The following FAM193A variants were observed in gnomAD, a reference collection of about 807,000 sequenced individuals.
FAM193A encodes family with sequence similarity 193 member A.
Under a neutral mutation model 126.5 loss-of-function variants are expected in FAM193A, and 22 were observed. The ratio of observed to expected loss-of-function variants is 0.17; its 90% CI spans 0.12 to 0.25. FAM193A has a LOEUF of 0.25. FAM193A is among the 10% of genes least tolerant of loss of function. The pLI, the probability that FAM193A is intolerant of heterozygous loss-of-function variation, is 1.00. For synonymous variants in FAM193A, 761 were observed against 646.8 expected, an observed-to-expected ratio of 1.18 and a Z score of -2.68; for missense variants, 1,675 against 1,672.8, an observed-to-expected ratio of 1.00 and a Z score of -0.02.
At position 2,644,076 on chromosome 4, in the gene FAM193A, C is replaced by T. The variant is rs571313808; in HGVS notation, c.1164-2609C>T. 5.3e-4 allele frequency among the ~76,000 whole-genome samples: 80 copies of T among 152,096 alleles called. 3 individuals carry two copies. The highest frequency in any genetic ancestry group is 4.7e-4 in the Non-Finnish European group (32 of 68,032). On this transcript the variant is annotated intron_variant, in intron 6 of 20. Transcript: ENST00000637812. ...TGCAAGCTCAATATTTAGATGGAAA[C>T]CTGTTTGCTGAGCCATTGATTTAAT...
intron 1 of FAM193A, among the ~76,000 whole-genome samples, chr4:2,580,307 A>G (rs190921423): frequency 6.6e-5 from 10 of 152,310 alleles, no homozygotes; most frequent in East Asian, 5.8e-4. Flanking sequence ...GAGGGGAACA[A>G]CATACACTGT....
At chr4:2,580,961 C>T (rs1404675950) in intron 1 of FAM193A, among the ~76,000 whole-genome samples, 2 of 152,104 alleles carry the variant, frequency 1.3e-5, no homozygotes, top group Non-Finnish European at 2.9e-5. Flanking sequence ...AACCCCGTCT[C>T]TACTAAAAAT....
chr4:2,678,368 T>G (rs80119717), intron 13 of FAM193A, among the ~76,000 whole-genome samples: 9,617 of 148,514 alleles, frequency 0.065, 599 homozygotes, highest in African/African-American at 0.16. Flanking sequence ...TGGTTTTTTT[T>G]TTTTTTTTTT....
chr4:2,640,245 C>T (rs1010889676), intron 6 of FAM193A, among the ~76,000 whole-genome samples: 25 of 152,148 alleles, frequency 1.6e-4, no homozygotes, highest in Non-Finnish European at 4.4e-5. Flanking sequence ...CCAAGGCCCT[C>T]CGGATACAGC....
At position 2,639,932 on chromosome 4, in the gene FAM193A, A is replaced by T. The variant is rs927827314; in HGVS notation, c.1163+73A>T. On this transcript the variant is annotated intron_variant, in intron 6 of 20. Transcript: ENST00000637812. ...CTTTTCTCCTGACTGGTGTGCGTGT[A>T]CCCGAGTACCACTGAGTATGAAAGT... 348 of 1,428,770 alleles carry T rather than the reference A, an allele frequency of 2.4e-4. 1 individual carries two copies. The highest frequency in any genetic ancestry group is 2.8e-4 in the Non-Finnish European group (293 of 1,044,044). The allele number at this position is 1,428,770 out of a possible 1,614,324, so 88.5% of individuals were successfully genotyped here. A position where few individuals can be genotyped will look rare whatever the true frequency, so the allele number is the denominator to read the frequency against.
At chr4:2,582,578 G>A (rs1488883365) in intron 1 of FAM193A, among the ~76,000 whole-genome samples, 1 of 151,736 alleles carries the variant, frequency 6.6e-6, no homozygotes, top group African/African-American at 2.4e-5. Flanking sequence ...GAAGTGATAG[G>A]ACCAGGTGTT....
In FAM193A at chr4:2,646,719, G is replaced by A; in HGVS notation, c.1198G>A (p.Asp400Asn). 2 of 1,613,666 alleles carry A rather than the reference G, an allele frequency of 1.2e-6. No homozygotes were observed. Among genetic ancestry groups the A allele is most frequent in the Non-Finnish European group, 1.7e-6 (2 of 1,179,768 alleles). Residue 400 changes from aspartate to asparagine, a missense_variant, in exon 7 of 21, where the codon GAC becomes AAC. This residue lies in a region of FAM193A where 1,186 missense variants were observed against 1,109.2 expected (regional missense o/e 1.07). Transcript: ENST00000637812. ...CACCACACACGACACCTGCAGTGAG[G>A]ACACATACAGTACCTTGCTGCAGAG... is the stretch of plus-strand genomic sequence containing the variant. ...GTTTHDTCSE[D>N]TYSTLLQRYQ...
rs968975566 is a variant in FAM193A, at chr4:2,708,566, G to A, written c.4373-7457G>A. Among the ~76,000 whole-genome samples, 12 of 152,058 alleles carry A rather than the reference G, an allele frequency of 7.9e-5. 2 individuals carry two copies. Among genetic ancestry groups the A allele is most frequent in the Admixed American group, 4.6e-4 (7 of 15,232 alleles). On this transcript the variant is annotated intron_variant, in intron 19 of 20. Transcript: ENST00000637812. ...CAGCCTACGCCTTCTGGGTTCAAGC[G>A]ATTTTCCTGCCTCGGCCTCCCAAGT...
At chr4:2,540,292 A>AC (rs1737149492) in intron 1 of FAM193A, among the ~76,000 whole-genome samples, 1 of 151,792 alleles carries the variant, frequency 6.6e-6, no homozygotes, top group Non-Finnish European at 1.5e-5. Context: ...ACACAGTGAA[A>AC]CCCGTCTCTA....
chr4:2,723,467 C>CG (rs1188213352), intron 20 of FAM193A, among the ~76,000 whole-genome samples: 1 of 147,204 alleles, frequency 6.8e-6, no homozygotes, highest in African/African-American at 2.5e-5. Context: ...CCCAGCTGCT[C>CG]GGGAGGCTGA....
chr4:2,603,091 C>G (rs1230684668), intron 2 of FAM193A, among the ~76,000 whole-genome samples: 1 of 148,962 alleles, frequency 6.7e-6, no homozygotes, highest in African/African-American at 2.5e-5. Flanking sequence ...GCCTCAGCCT[C>G]CTGAGTAGCT....
chr4:2,731,720 C>T (rs28567971), intron 20 of FAM193A, 55 bp from the exon 21 acceptor site: 6 of 1,375,884 alleles, frequency 4.4e-6, no homozygotes, highest in African/African-American at 4.3e-5. Context: ...TGCCAAGCAC[C>T]AGCTTGGTTG....
chr4:2,711,001 A>G (rs34439064), intron 19 of FAM193A, among the ~76,000 whole-genome samples: 1,647 of 151,178 alleles, frequency 0.011, 14 homozygotes, highest in Middle Eastern at 0.021. Context: ...ACAGGCGCCC[A>G]CCACCTCGCC....
chr4:2,616,790 T>TC, intron 2 of FAM193A, among the ~76,000 whole-genome samples: 1 of 151,590 alleles, frequency 6.6e-6, no homozygotes, highest in East Asian at 2.0e-4. Context: ...ATGGTCTTGA[T>TC]CTCCTGACCT....
intron 2 of FAM193A, among the ~76,000 whole-genome samples, chr4:2,622,971 C>T (rs149347123): frequency 5.4e-4 from 82 of 152,302 alleles, no homozygotes; most frequent in African/African-American, 1.9e-3. Context: ...GGACTTCGTG[C>T]TGGACTGTCT....
intron 13 of FAM193A, among the ~76,000 whole-genome samples, chr4:2,687,720 T>C (rs1294250009): frequency 1.3e-5 from 2 of 152,224 alleles, no homozygotes; most frequent in Non-Finnish European, 1.5e-5. Context: ...TTCTGGTTCA[T>C]CCACAGCATT....
At position 2,690,811 on chromosome 4, in the gene FAM193A, A is replaced by G. The variant is rs750030327; in HGVS notation, c.2644A>G (p.Lys882Glu). ...SDSKEKKNAAKKKCLYNFQDA... is the reference protein window; with the variant it reads ...SDSKEKKNAAEKKCLYNFQDA... ...TAGTAAAGAGAAAAAGAATGCTGCA[A>G]AAAAGAAATGTTTATACAATTTCCA... is the stretch of plus-strand genomic sequence containing the variant. The change falls in exon 15 of 21, where the codon AAA becomes GAA. Residue 882 changes from lysine (K) to glutamate (E), a missense_variant. By Grantham distance (56) the Lys-to-Glu change is moderately conservative. Transcript: ENST00000637812. 9 of 1,614,090 alleles carry G rather than the reference A, an allele frequency of 5.6e-6. No homozygotes were observed. In the South Asian group the frequency reaches 6.6e-5, roughly 12 times the overall value.
chr4:2,540,659 C>T (rs1489631371), intron 1 of FAM193A, among the ~76,000 whole-genome samples: 3 of 151,920 alleles, frequency 2.0e-5, no homozygotes, highest in South Asian at 2.1e-4. Flanking sequence ...AAAAAACAAA[C>T]GAACAAAAAC....
Position 2,672,128 on chromosome 4 carries a change from A to G in FAM193A, c.2087A>G (p.Gln696Arg). The G allele has an allele frequency of 1.2e-6, 2 of 1,614,170 alleles. No homozygotes were observed. Among genetic ancestry groups the G allele is most frequent in the Non-Finnish European group, 1.7e-6 (2 of 1,179,994 alleles). The stretch of plus-strand genomic sequence containing the variant: ...TTTTTTCTTTCCTCTTAGGCTGAAC[A>G]AGCTCCAAACACTTGTGAATGTCAT... ...PPSYPTQQAE[Q>R]APNTCECHVC... The change falls in exon 13 of 21, where the codon CAA becomes CGA. Residue 696 changes from glutamine to arginine, a missense_variant. Gln to Arg is a conservative substitution (Grantham distance 43). Around this residue, in one of 4 missense-constraint regions of FAM193A, gnomAD observed 1,186 missense variants for 1,109.2 expected, o/e 1.07. Transcript: ENST00000637812.
Sources: allele counts gnomAD v4.1 joint callset (sites outside exome capture counted in the v4.1 genomes callset), GRCh38; gene constraint gnomAD v4.1.1; regional missense constraint gnomAD v4.1.1; transcripts MANE v1.5; gene names NCBI Gene and HGNC (gene_info 2026-07-23, HGNC 2026-07-21).